ARL5B: variants seen among roughly 807,000 people sequenced by gnomAD.
ARL5B encodes the protein ADP-ribosylation factor-like protein 5B.
ARL5B carries 10 observed loss-of-function variants against 26.9 expected under a neutral mutation model. That is an observed-to-expected ratio of 0.37 (90% confidence interval 0.23 to 0.63). The LOEUF is 0.63. Ranked by LOEUF, ARL5B falls within the 30% of genes least tolerant of loss-of-function variation. The pLI, the probability that ARL5B is intolerant of heterozygous loss-of-function variation, is 0.62. For missense variants in ARL5B, 167 were observed against 213.9 expected, an observed-to-expected ratio of 0.78 and a Z score of 1.37; for synonymous variants, 87 against 70.4, an observed-to-expected ratio of 1.24 and a Z score of -1.18.
intron 3 of ARL5B, among the ~76,000 whole-genome samples, chr10:18,669,238 G>A (rs2059875862): frequency 6.6e-6 from 1 of 152,076 alleles, no homozygotes; most frequent in Non-Finnish European, 1.5e-5. Context: ...GTTTGGCCAG[G>A]TTCTCTCCAT....
chr10:18,668,916 A>T (rs4748507), intron 3 of ARL5B, among the ~76,000 whole-genome samples: 116,778 of 151,784 alleles, frequency 0.77, 45,032 homozygotes, highest in East Asian at 0.98. Flanking sequence ...ATTACAGGCG[A>T]GTGCCACCAC....
rs2059923399 is a variant in ARL5B, at chr10:18,679,371, C to A, written c.*4155C>A. 6.6e-6 allele frequency: 1 copy of A among 152,012 alleles called. No individual in the cohort carries two copies. The highest frequency in any genetic ancestry group is 2.4e-5 in the African/African-American group (1 of 41,544). 9.4% of individuals were successfully genotyped at this position (152,012 alleles called of 1,614,324 possible). ...CACCCCAGTCTATAGTTCTGTGTGA[C>A]TTTCCATATTGAAAGAGTAGGGTTA... On this transcript the variant is annotated 3_prime_UTR_variant, in exon 6 of 6. Transcript: ENST00000377275.
intron 3 of ARL5B, among the ~76,000 whole-genome samples, chr10:18,671,843 G>C (rs1045425013): frequency 1.3e-4 from 20 of 152,052 alleles, no homozygotes; most frequent in African/African-American, 4.6e-4. Flanking sequence ...AGAGAGACAG[G>C]TTCTCACTAT....
intron 2 of ARL5B, among the ~76,000 whole-genome samples, chr10:18,666,843 C>G (rs975146852): frequency 6.6e-6 from 1 of 151,810 alleles, no homozygotes; most frequent in Non-Finnish European, 1.5e-5. Flanking sequence ...TTGTTTTCTG[C>G]CCTCGAAAGA....
chr10:18,661,774 G>T (rs1203603932), intron 1 of ARL5B, among the ~76,000 whole-genome samples: 1 of 152,242 alleles, frequency 6.6e-6, no homozygotes, highest in African/African-American at 2.4e-5. Flanking sequence ...TGGCATGCTA[G>T]ACAGACCGAA....
intron 1 of ARL5B, 40 bp from the exon 2 acceptor site, chr10:18,666,535 C>A: frequency 6.7e-7 from 1 of 1,486,684 alleles, no homozygotes; most frequent in Non-Finnish European, 9.3e-7. Context: ...TGCAGTAATG[C>A]AGTAGTGTTA....
chr10:18,659,580 G>A lies in ARL5B; in HGVS notation c.-58G>A, dbSNP rs928967709. ...CCGCGCAGCCCGCGCCGCGGTGGGG[G>A]ACCCGGCGCAGCGGCACCTGCTGCC... On this transcript the variant is annotated 5_prime_UTR_variant, in exon 1 of 6. Transcript: ENST00000377275. The A allele has an allele frequency of 2.4e-5, 38 of 1,552,278 alleles. No individual in the cohort carries two copies. The African/African-American group carries it at 4.7e-4, about 19-fold the overall frequency.
chr10:18,676,493 A>G lies in ARL5B; in HGVS notation c.*1277A>G, dbSNP rs979690903. On this transcript the variant is annotated 3_prime_UTR_variant, in exon 6 of 6. Coordinates refer to ENST00000377275, the MANE Select transcript of ARL5B (RefSeq NM_178815.5). Reference sequence around the variant, plus strand: ...AAAACATTTTTGAGGCAGTTGTCTAATATGAACAATAATCTAAACAATATA... The same window carrying G: ...AAAACATTTTTGAGGCAGTTGTCTAGTATGAACAATAATCTAAACAATATA... 6.6e-6 allele frequency: 1 copy of G among 152,036 alleles called. No individual in the cohort carries two copies. The highest frequency in any genetic ancestry group is 1.5e-5 in the Non-Finnish European group (1 of 67,890). The allele number at this position is 152,036 out of a possible 1,614,324, so 9.4% of individuals were successfully genotyped here. A position where few individuals can be genotyped will look rare whatever the true frequency, so the allele number is the denominator to read the frequency against.
At chr10:18,670,668 A>C (rs2059883072) in intron 3 of ARL5B, among the ~76,000 whole-genome samples, 1 of 152,204 alleles carries the variant, frequency 6.6e-6, no homozygotes, top group Admixed American at 6.5e-5. Context: ...ATTAATTTAA[A>C]CATCAGAGCT....
rs1238119583 is a variant in ARL5B, at chr10:18,676,369, C to G, written c.*1153C>G. On this transcript the variant is annotated 3_prime_UTR_variant, in exon 6 of 6. Transcript: ENST00000377275. The stretch of plus-strand genomic sequence containing the variant: ...AGGAAACTGCTGAATTGAATCCTAG[C>G]TTTTAGAATATTAATAGGAGACTCA... The G allele has an allele frequency of 6.6e-6, 1 of 152,096 alleles. No homozygotes were observed. The highest frequency in any genetic ancestry group is 1.5e-5 in the Non-Finnish European group (1 of 67,862). 9.4% of individuals were successfully genotyped at this position (152,096 alleles called of 1,614,324 possible). A position where few individuals can be genotyped will look rare whatever the true frequency, so the allele number is the denominator to read the frequency against.
intron 2 of ARL5B, 67 bp from the exon 3 acceptor site, chr10:18,668,463 C>A: frequency 6.5e-7 from 1 of 1,542,872 alleles, no homozygotes; most frequent in Non-Finnish European, 8.9e-7. Flanking sequence ...CTTAAAAATA[C>A]AGAGATAAAA....
chr10:18,668,469 TA>T, intron 2 of ARL5B, 60 bp from the exon 3 acceptor site: 1 of 1,577,322 alleles, frequency 6.3e-7, no homozygotes, highest in Non-Finnish European at 8.7e-7. Context: ...AATACAGAGA[TA>T]AAAGTTGCTT....
Position 18,679,109 on chromosome 10 carries a change from C to T in ARL5B, c.*3893C>T, listed in dbSNP as rs1262621061. 1.3e-5 allele frequency: 2 copies of T among 151,626 alleles called. No individual in the cohort carries two copies. The highest frequency in any genetic ancestry group is 2.1e-4 in the South Asian group (1 of 4,820). The allele number at this position is 151,626 out of a possible 1,614,324, so 9.4% of individuals were successfully genotyped here. On this transcript the variant is annotated 3_prime_UTR_variant, in exon 6 of 6. Transcript: ENST00000377275. ...ACGAATACAACCAAGTAGGGAAAAA[C>T]GTATCAGTAACTGCTATTCAACTTA...
At position 18,677,129 on chromosome 10, in the gene ARL5B, G is replaced by C. The variant is rs1036822148; in HGVS notation, c.*1913G>C. The C allele has an allele frequency of 3.3e-5, 5 of 151,748 alleles. No homozygotes were observed. The highest frequency in any genetic ancestry group is 1.2e-4 in the African/African-American group (5 of 41,200). 9.4% of individuals were successfully genotyped at this position (151,748 alleles called of 1,614,324 possible). A position where few individuals can be genotyped will look rare whatever the true frequency, so the allele number is the denominator to read the frequency against. ...TTGTGTTGTTTACCGTAAGTACTGA[G>C]GGTAGTTTCCCTAAGTCTGTCCTGA... On this transcript the variant is annotated 3_prime_UTR_variant, in exon 6 of 6. Transcript: ENST00000377275.
In ARL5B at chr10:18,678,273, G is replaced by C. The variant is rs1373328361; in HGVS notation, c.*3057G>C. On this transcript the variant is annotated 3_prime_UTR_variant, in exon 6 of 6. Transcript: ENST00000377275. ...CAATACTTTTATTCTATATTCATTA[G>C]AAGAAAGGTAATAAATTTAAGTTTC... 6.6e-6 allele frequency: 1 copy of C among 151,598 alleles called. No individual in the cohort carries two copies. Among genetic ancestry groups the C allele is most frequent in the Non-Finnish European group, 1.5e-5 (1 of 67,716 alleles). The allele number at this position is 151,598 out of a possible 1,614,324, so 9.4% of individuals were successfully genotyped here. A position where few individuals can be genotyped will look rare whatever the true frequency, so the allele number is the denominator to read the frequency against.
intron 1 of ARL5B, chr10:18,660,007 C>T (rs1051178259): frequency 1.1e-6 from 1 of 925,442 alleles, no homozygotes; most frequent in African/African-American, 1.8e-5. Flanking sequence ...TTTATTGAAG[C>T]GTGCTTGTGT....
chr10:18,664,429 CTTTTTTTTTT>C (rs140830487), intron 1 of ARL5B, among the ~76,000 whole-genome samples: 7 of 67,250 alleles, frequency 1.0e-4, no homozygotes, highest in East Asian at 1.1e-3. Flanking sequence ...ACAGTAGTGT[CTTTTTTTTTT>C]TTTTTTTTTT....
chr10:18,659,763 A>T, intron 1 of ARL5B, 80 bp downstream of exon 1: 1 of 1,577,502 alleles, frequency 6.3e-7, no homozygotes, highest in Non-Finnish European at 8.6e-7. Context: ...GAGACAGGGG[A>T]CAGAGCGTTC....
chr10:18,666,739 ATGTTTTT>A lies in ARL5B; in HGVS notation c.107+120_107+126del, dbSNP rs908205513. 5.0e-5 allele frequency: 51 copies of A among 1,017,562 alleles called. 1 individual carries two copies. Among genetic ancestry groups the A allele is most frequent in the South Asian group, 2.3e-4 (10 of 44,132 alleles). 63.0% of individuals were successfully genotyped at this position (1,017,562 alleles called of 1,614,324 possible). On this transcript the variant is annotated intron_variant, in intron 2 of 5. Transcript: ENST00000377275. The stretch of plus-strand genomic sequence containing the variant: ...AATAATGACGGAAAAACTTAAATAT[ATGTTTTT>A]TGTTTTTTGTTTTTTTAATTTTACC...
Sources: gnomAD v4.1 joint callset for allele counts (sites outside exome capture counted in the v4.1 genomes callset) on GRCh38, gnomAD v4.1.1 for gene constraint, MANE v1.5 for transcripts, NCBI Gene and HGNC (gene_info 2026-07-23, HGNC 2026-07-21) for gene names.